The following FAM107B variants were observed in gnomAD, a reference collection of about 807,000 sequenced individuals.
The protein encoded by FAM107B is family with sequence similarity 107 member B.
FAM107B carries 21 observed loss-of-function variants against 31.5 expected under a neutral mutation model. The ratio of observed to expected loss-of-function variants is 0.67; its 90% confidence interval spans 0.47 to 0.96. The LOEUF is 0.96. FAM107B is among the 40% of genes least tolerant of loss of function. The pLI, the probability that FAM107B is intolerant of heterozygous loss-of-function variation, is 0.00. For synonymous variants in FAM107B, 157 were observed against 141.5 expected (o/e 1.11, Z -0.78); for missense variants, 452 against 377.1 (o/e 1.20, Z -1.64).
intron 2 of FAM107B, among the ~76,000 whole-genome samples, chr10:14,531,734 T>C (rs1324567906): frequency 6.6e-6 from 1 of 152,018 alleles, no homozygotes; most frequent in East Asian, 1.9e-4. Context: ...CTTAGGAGGC[T>C]GAGGCAGGAG....
intron 1 of FAM107B, among the ~76,000 whole-genome samples, chr10:14,683,958 G>A (rs11259271): frequency 0.14 from 21,212 of 152,196 alleles, 1,769 homozygotes; most frequent in South Asian, 0.28. Context: ...GGCCATTTGG[G>A]CTGCTACAAT....
intron 1 of FAM107B, among the ~76,000 whole-genome samples, chr10:14,773,571 C>T (rs540698178): frequency 6.6e-6 from 1 of 152,292 alleles, no homozygotes; most frequent in South Asian, 2.1e-4. Flanking sequence ...TCCATCTAAT[C>T]AGAATACTCA....
At chr10:14,664,308 G>A (rs917818883) in intron 2 of FAM107B, among the ~76,000 whole-genome samples, 6 of 152,080 alleles carry the variant, frequency 3.9e-5, no homozygotes, top group African/African-American at 1.2e-4. Context: ...CATTTTATTT[G>A]TCTAATGGCT....
chr10:14,648,114 C>T (rs535185938), intron 2 of FAM107B, among the ~76,000 whole-genome samples: 2 of 152,116 alleles, frequency 1.3e-5, no homozygotes, highest in African/African-American at 4.8e-5. Context: ...ATCTCAGTCA[C>T]TTCGGTATTT....
chr10:14,518,709 C>T lies in FAM107B; in HGVS notation c.*2481G>A, dbSNP rs1845351837. The T allele has an allele frequency of 6.6e-6, 1 of 152,546 alleles. No homozygotes were observed. Among genetic ancestry groups the T allele is most frequent in the South Asian group, 2.1e-4 (1 of 4,828 alleles). The allele number at this position is 152,546 out of a possible 1,614,324, so 9.4% of individuals were successfully genotyped here. On this transcript the variant is annotated 3_prime_UTR_variant, in exon 5 of 5. Coordinates refer to ENST00000181796, the MANE Select transcript of FAM107B (RefSeq NM_031453.4). ...ATGAAAACCAATCCATTAAGGCTCC[C>T]TTTATATATATTATATACACTCAAA...
At chr10:14,526,106 T>TA (rs1846195925) in intron 3 of FAM107B, among the ~76,000 whole-genome samples, 1 of 152,202 alleles carries the variant, frequency 6.6e-6, no homozygotes, top group South Asian at 2.1e-4. Context: ...CCTACTCACT[T>TA]AGTCAAACAT....
chr10:14,580,087 C>T (rs986845494), intron 2 of FAM107B, among the ~76,000 whole-genome samples: 1 of 151,224 alleles, frequency 6.6e-6, no homozygotes, highest in Non-Finnish European at 1.5e-5. Flanking sequence ...AGGCTGGGTG[C>T]GGTGGCTCAA....
rs1845415306 is a variant in FAM107B, at chr10:14,519,328, C to T, written c.*1862G>A. ...GTTAGATAAAAAGATATGAGCCAGT[C>T]CCGAATCTTCATTTTACAAACAGCA... On this transcript the variant is annotated 3_prime_UTR_variant, in exon 5 of 5. Coordinates refer to ENST00000181796, the MANE Select transcript of FAM107B (RefSeq NM_031453.4). 1 of 152,162 alleles carries T rather than the reference C, an allele frequency of 6.6e-6. No individual in the cohort carries two copies. The highest frequency in any genetic ancestry group is 3.4e-3 in the Middle Eastern group (1 of 294). The allele number at this position is 152,162 out of a possible 1,614,324, so 9.4% of individuals were successfully genotyped here.
At chr10:14,648,806 T>G (rs545752112) in intron 2 of FAM107B, among the ~76,000 whole-genome samples, 16 of 152,354 alleles carry the variant, frequency 1.1e-4, no homozygotes, top group African/African-American at 3.8e-4. Context: ...TTGGTTTAAT[T>G]CAAGTTCTTC....
chr10:14,759,921 G>A (rs1234739347), intron 1 of FAM107B, among the ~76,000 whole-genome samples: 4 of 151,970 alleles, frequency 2.6e-5, no homozygotes, highest in East Asian at 1.9e-4. Context: ...CATGTTGGCC[G>A]GGCTGGTCTC....
chr10:14,727,089 A>C (rs1234784487), intron 1 of FAM107B, among the ~76,000 whole-genome samples: 1 of 152,126 alleles, frequency 6.6e-6, no homozygotes, highest in African/African-American at 2.4e-5. Context: ...AATAGGGTTC[A>C]CGCTTCTGTG....
chr10:14,691,621 T>C (rs920840467), intron 1 of FAM107B, among the ~76,000 whole-genome samples: 1 of 152,082 alleles, frequency 6.6e-6, no homozygotes, highest in Non-Finnish European at 1.5e-5. Context: ...TGGCTGGGTG[T>C]GGTGGCTCAT....
intron 2 of FAM107B, among the ~76,000 whole-genome samples, chr10:14,561,891 T>C (rs1850275373): frequency 6.6e-6 from 1 of 152,116 alleles, no homozygotes; most frequent in Non-Finnish European, 1.5e-5. Flanking sequence ...TTCAAGGGAT[T>C]CTCCTCCCTC....
chr10:14,568,666 G>A (rs12776114), intron 2 of FAM107B, among the ~76,000 whole-genome samples: 1 of 151,898 alleles, frequency 6.6e-6, no homozygotes, highest in Non-Finnish European at 1.5e-5. Flanking sequence ...GAAGATACTC[G>A]GGTAGGAGAA....
At chr10:14,564,567 G>A (rs2131201903) in intron 2 of FAM107B, among the ~76,000 whole-genome samples, 1 of 151,488 alleles carries the variant, frequency 6.6e-6, no homozygotes, top group Middle Eastern at 3.4e-3. Flanking sequence ...AGGGCAAACT[G>A]ATTCAGATGA....
intron 1 of FAM107B, among the ~76,000 whole-genome samples, chr10:14,733,697 T>C (rs1588740582): frequency 6.6e-6 from 1 of 152,200 alleles, no homozygotes; most frequent in African/African-American, 2.4e-5. Context: ...GGTTTTATCA[T>C]TTCCATTTAA....
chr10:14,681,032 T>A (rs899249176), intron 1 of FAM107B, among the ~76,000 whole-genome samples: 6 of 152,230 alleles, frequency 3.9e-5, no homozygotes, highest in Non-Finnish European at 5.9e-5. Context: ...GGGTCCTGAC[T>A]GGAGGTTTGC....
intron 1 of FAM107B, among the ~76,000 whole-genome samples, chr10:14,686,734 G>A (rs1182924651): frequency 6.6e-6 from 1 of 152,152 alleles, no homozygotes; most frequent in East Asian, 1.9e-4. Context: ...CTATGCACAA[G>A]GTGCCCAAAT....
intron 2 of FAM107B, among the ~76,000 whole-genome samples, chr10:14,660,810 G>C (rs1854215347): frequency 6.6e-6 from 1 of 152,112 alleles, no homozygotes. Context: ...ACCCATAGAA[G>C]GCTCTAGAAA....
Sources: allele counts gnomAD v4.1 joint callset (sites outside exome capture counted in the v4.1 genomes callset), GRCh38; gene constraint gnomAD v4.1.1; transcripts MANE v1.5; gene names NCBI Gene and HGNC (gene_info 2026-07-23, HGNC 2026-07-21).